The following TMTC2 variants were observed in gnomAD, a reference collection of about 807,000 sequenced individuals.
TMTC2 encodes the protein protein O-mannosyl-transferase TMTC2.
In TMTC2, 43 loss-of-function variants were observed where a neutral mutation model predicts 82.4. That is an observed-to-expected ratio of 0.52 (90% confidence interval 0.41 to 0.67). TMTC2 has a LOEUF of 0.67. Ranked by LOEUF, TMTC2 falls within the 30% of genes least tolerant of loss-of-function variation. The pLI is 0.00. For missense variants in TMTC2, 919 were observed against 1,012.4 expected (o/e 0.91, Z 1.25); for synonymous variants, 408 against 381.9 (o/e 1.07, Z -0.80).
intron 8 of TMTC2, among the ~76,000 whole-genome samples, chr12:83,015,457 A>G (rs569674273): frequency 2.0e-5 from 3 of 152,200 alleles, no homozygotes; most frequent in Admixed American, 1.3e-4. Context: ...AATCTGCACA[A>G]TGTGATGAAG....
chr12:82,999,587 G>A (rs1287273228), intron 8 of TMTC2, among the ~76,000 whole-genome samples: 1 of 152,166 alleles, frequency 6.6e-6, no homozygotes, highest in African/African-American at 2.4e-5. Context: ...AGGCAAAAAG[G>A]AGCAAGTCAC....
At chr12:82,867,617 A>C (rs1871935543) in intron 2 of TMTC2, among the ~76,000 whole-genome samples, 2 of 152,212 alleles carry the variant, frequency 1.3e-5, no homozygotes, top group African/African-American at 4.8e-5. Context: ...TGGATATTTA[A>C]ACATAATTCA....
chr12:82,960,393 G>A (rs567562555), intron 4 of TMTC2, among the ~76,000 whole-genome samples: 2 of 152,136 alleles, frequency 1.3e-5, no homozygotes, highest in Non-Finnish European at 2.9e-5. Flanking sequence ...TTCTGTTAAT[G>A]ATGGACTGGG....
chr12:82,989,928 C>T (rs1267996299), intron 8 of TMTC2, among the ~76,000 whole-genome samples: 1 of 152,002 alleles, frequency 6.6e-6, no homozygotes, highest in East Asian at 1.9e-4. Context: ...ACTCACAGTG[C>T]CAAAACCCCA....
At chr12:82,801,598 G>A (rs1374237036) in intron 1 of TMTC2, among the ~76,000 whole-genome samples, 1 of 152,140 alleles carries the variant, frequency 6.6e-6, no homozygotes, top group Non-Finnish European at 1.5e-5. Context: ...CAATCCCTGA[G>A]CTAGACATAA....
At chr12:83,012,500 G>T (rs550849096) in intron 8 of TMTC2, among the ~76,000 whole-genome samples, 1 of 152,056 alleles carries the variant, frequency 6.6e-6, no homozygotes, top group African/African-American at 2.4e-5. Context: ...TCAAATAGTT[G>T]GATAACAACA....
chr12:83,130,621 G>A (rs1017232864), intron 11 of TMTC2, among the ~76,000 whole-genome samples: 1 of 152,150 alleles, frequency 6.6e-6, no homozygotes, highest in African/African-American at 2.4e-5. Flanking sequence ...AGAGACATAT[G>A]TAGCTATTGA....
intron 7 of TMTC2, among the ~76,000 whole-genome samples, chr12:82,982,641 C>T (rs1878974389): frequency 6.6e-6 from 1 of 151,840 alleles, no homozygotes; most frequent in South Asian, 2.1e-4. Flanking sequence ...CATTGCTCTT[C>T]CTTATTCTCT....
intron 4 of TMTC2, among the ~76,000 whole-genome samples, chr12:82,940,995 G>A (rs1876686016): frequency 6.6e-6 from 1 of 151,970 alleles, no homozygotes; most frequent in African/African-American, 2.4e-5. Flanking sequence ...GTGATACCAT[G>A]TCCTATACCA....
intron 1 of TMTC2, among the ~76,000 whole-genome samples, chr12:82,825,788 G>A (rs1017462478): frequency 7.2e-5 from 11 of 152,028 alleles, no homozygotes; most frequent in African/African-American, 2.7e-4. Context: ...CTATTTTTGT[G>A]AGGTTTGACA....
chr12:82,847,938 A>G (rs1364106532), intron 1 of TMTC2, among the ~76,000 whole-genome samples: 1 of 152,168 alleles, frequency 6.6e-6, no homozygotes, highest in African/African-American at 2.4e-5. Flanking sequence ...TAGAACTTAA[A>G]GTATAATAAT....
chr12:82,750,188 C>T (rs1875910010), intron 1 of TMTC2, among the ~76,000 whole-genome samples: 1 of 151,438 alleles, frequency 6.6e-6, no homozygotes, highest in Admixed American at 6.6e-5. Flanking sequence ...GTATTTCATT[C>T]AAATTTTGAA....
intron 2 of TMTC2, among the ~76,000 whole-genome samples, chr12:82,863,908 T>A (rs1871679782): frequency 6.6e-6 from 1 of 151,824 alleles, no homozygotes; most frequent in Non-Finnish European, 1.5e-5. Flanking sequence ...GTGGTGAGGG[T>A]TATAAGGGAG....
intron 8 of TMTC2, among the ~76,000 whole-genome samples, chr12:83,023,491 C>T (rs1311004049): frequency 6.6e-6 from 1 of 152,170 alleles, no homozygotes; most frequent in Non-Finnish European, 1.5e-5. Context: ...CTCCTCCTTT[C>T]CCAGGGGTTA....
intron 4 of TMTC2, among the ~76,000 whole-genome samples, chr12:82,932,304 G>A (rs1876082030): frequency 6.6e-6 from 1 of 152,086 alleles, no homozygotes; most frequent in Admixed American, 6.6e-5. Flanking sequence ...TCTGAATTAG[G>A]TCAGCAGATA....
intron 2 of TMTC2, among the ~76,000 whole-genome samples, chr12:82,865,459 A>G (rs1871797652): frequency 6.6e-6 from 1 of 152,228 alleles, no homozygotes; most frequent in African/African-American, 2.4e-5. Flanking sequence ...AAGAAGAGCT[A>G]ACTATCCTAA....
chr12:82,807,020 A>G (rs924392195), intron 1 of TMTC2, among the ~76,000 whole-genome samples: 2 of 152,160 alleles, frequency 1.3e-5, no homozygotes, highest in Admixed American at 6.5e-5. Context: ...AGCTCCTAAC[A>G]TGTACGATTG....
intron 1 of TMTC2, among the ~76,000 whole-genome samples, chr12:82,800,622 C>G (rs955470320): frequency 1.4e-4 from 21 of 152,138 alleles, no homozygotes; most frequent in African/African-American, 5.1e-4. Context: ...TTAACATCCT[C>G]CCACCACCAA....
chr12:83,092,324 G>C (rs1053458610), intron 11 of TMTC2, among the ~76,000 whole-genome samples: 2 of 152,114 alleles, frequency 1.3e-5, no homozygotes, highest in Admixed American at 6.5e-5. Flanking sequence ...CCCCCTTAGA[G>C]CATTGGCCTC....
Sources: allele counts gnomAD v4.1 joint callset (sites outside exome capture counted in the v4.1 genomes callset), GRCh38; gene constraint gnomAD v4.1.1; transcripts MANE v1.5; gene names NCBI Gene and HGNC (gene_info 2026-07-23, HGNC 2026-07-21).